LRBA: variants seen among roughly 807,000 people sequenced by gnomAD.
LRBA encodes lipopolysaccharide-responsive and beige-like anchor protein.
LRBA carries 176 observed loss-of-function variants against 330.0 expected under a neutral mutation model. The ratio of observed to expected loss-of-function variants is 0.53; its 90% CI spans 0.47 to 0.60. The LOEUF (loss-of-function observed/expected upper bound fraction) is 0.60. Among genes scored for constraint, LRBA ranks in the 20% least tolerant of loss-of-function variants. The probability of loss-of-function intolerance (pLI) is 0.00; values close to 1 mark genes in which losing one functional copy is unlikely to be tolerated. For missense variants in LRBA, 3,259 were observed against 3,444.8 expected (o/e 0.95, Z 1.35); for synonymous variants, 1,230 against 1,193.0 (o/e 1.03, Z -0.64).
At chr4:150,381,312 A>G (rs1396939823) in intron 47 of LRBA, among the ~76,000 whole-genome samples, 1 of 152,202 alleles carries the variant, frequency 6.6e-6, no homozygotes, top group Non-Finnish European at 1.5e-5. Flanking sequence ...GAGCCCTTTC[A>G]TCACACCAAA....
intron 11 of LRBA, among the ~76,000 whole-genome samples, chr4:150,907,588 T>C (rs1214932232): frequency 1.3e-5 from 2 of 152,122 alleles, no homozygotes; most frequent in East Asian, 1.9e-4. Context: ...TCAAGTTATG[T>C]ATAAAAGCAA....
intron 37 of LRBA, among the ~76,000 whole-genome samples, chr4:150,642,216 TA>T (rs1346394421): frequency 3.3e-5 from 5 of 152,106 alleles, no homozygotes; most frequent in African/African-American, 1.2e-4. Context: ...ATTCTGCATG[TA>T]TTTCAAAGTT....
chr4:150,630,812 C>T (rs549047965), intron 37 of LRBA, among the ~76,000 whole-genome samples: 2 of 152,162 alleles, frequency 1.3e-5, no homozygotes, highest in South Asian at 4.1e-4. Flanking sequence ...AGCATTTTAA[C>T]TCTAAGGTAA....
At position 150,619,916 on chromosome 4, in the gene LRBA, G is replaced by A. The variant is rs574273337; in HGVS notation, c.5922-20785C>T. 3.3e-5 allele frequency among the ~76,000 whole-genome samples: 5 copies of A among 152,198 alleles called. No homozygotes were observed. In the South Asian group the frequency reaches 1.0e-3, roughly 32 times the overall value. On this transcript the variant is annotated intron_variant, in intron 37 of 56. Transcript: ENST00000651943. ...TAGAAAATAGACTGGAGTTCTTACA[G>A]GAGCCTCAGTTTTACACAACATAGC... is the stretch of plus-strand genomic sequence containing the variant.
At chr4:150,490,799 T>C in intron 41 of LRBA, 119 bp downstream of exon 41, 1 of 506,494 alleles carries the variant, frequency 2.0e-6, no homozygotes, top group Admixed American at 3.0e-5. Context: ...AAGAGGTCAC[T>C]AGAACAGAAG....
chr4:150,963,952 G>A (rs1237955961), intron 2 of LRBA, among the ~76,000 whole-genome samples: 2 of 140,438 alleles, frequency 1.4e-5, no homozygotes, highest in Non-Finnish European at 3.0e-5. Context: ...GCCCTGCCGC[G>A]ACCCCGTCTG....
intron 44 of LRBA, among the ~76,000 whole-genome samples, chr4:150,462,282 A>G (rs889214453): frequency 6.6e-6 from 1 of 151,674 alleles, no homozygotes; most frequent in African/African-American, 2.4e-5. Flanking sequence ...ATTGATTCCT[A>G]TTTTTTTCAG....
At chr4:150,508,568 A>G (rs4696463) in intron 40 of LRBA, among the ~76,000 whole-genome samples, 118,430 of 151,810 alleles carry the variant, frequency 0.78, 48,807 homozygotes, top group Non-Finnish European at 0.92. Flanking sequence ...GATTATAGGC[A>G]GGAGCCACCA....
chr4:150,783,780 T>C (rs1016271123), intron 34 of LRBA, among the ~76,000 whole-genome samples: 1 of 152,212 alleles, frequency 6.6e-6, no homozygotes, highest in African/African-American at 2.4e-5. Flanking sequence ...TAGTGTGATA[T>C]GCTTAACACA....
At position 150,817,250 on chromosome 4, in the gene LRBA, T is replaced by C; in HGVS notation, c.5179A>G (p.Ile1727Val). 1.2e-6 allele frequency: 2 copies of C among 1,611,670 alleles called. No individual in the cohort carries two copies. The highest frequency in any genetic ancestry group is 8.5e-7 in the Non-Finnish European group (1 of 1,178,312). The change falls in exon 31 of 57, where the codon ATT becomes GTT. Residue 1727 changes from isoleucine (I) to valine (V), a missense_variant. Physicochemically the swap from Ile to Val is conservative, Grantham distance 29 (BLOSUM62 3). Transcript: ENST00000651943. ...ACTGCTGACTTTTTTGCTGCAACAA[T>C]GACACTTCTGTAATAAAGAAAGTAA... ...VQFRSFDRSV[I>V]VAAKKSAVSP... is the part of the protein sequence containing the mutation.
At position 150,317,653 on chromosome 4, in the gene LRBA, C is replaced by G. The variant is rs1731894039; in HGVS notation, c.7631-2030G>C. ...TTCCAGCAATACCAGTGTCAATCAACATTAATACCTTTAGAATTTCCCTCT... is the reference window on the plus strand; with the variant it reads ...TTCCAGCAATACCAGTGTCAATCAAGATTAATACCTTTAGAATTTCCCTCT... On this transcript the variant is annotated intron_variant, in intron 50 of 56. Coordinates refer to ENST00000651943, the MANE Select transcript of LRBA (RefSeq NM_001364905.1). Among the ~76,000 whole-genome samples the G allele has an allele frequency of 2.0e-5, 3 of 152,158 alleles. No homozygotes were observed. The South Asian group carries it at 6.2e-4, about 31-fold the overall frequency.
At chr4:150,587,421 C>G (rs1246713847) in intron 40 of LRBA, among the ~76,000 whole-genome samples, 2 of 152,040 alleles carry the variant, frequency 1.3e-5, no homozygotes, top group Non-Finnish European at 2.9e-5. Flanking sequence ...TGAAATAAAC[C>G]TAATTTTGGT....
At chr4:150,611,047 G>A (rs1201623285) in intron 37 of LRBA, among the ~76,000 whole-genome samples, 1 of 152,102 alleles carries the variant, frequency 6.6e-6, no homozygotes, top group Non-Finnish European at 1.5e-5. Flanking sequence ...TCTTCAAAAT[G>A]ATAGGATCAC....
chr4:150,792,727 G>A (rs937623681), intron 34 of LRBA, among the ~76,000 whole-genome samples: 15 of 151,980 alleles, frequency 9.9e-5, no homozygotes, highest in Admixed American at 6.5e-4. Flanking sequence ...GGCTGGTATC[G>A]AACTCCTGGC....
intron 40 of LRBA, among the ~76,000 whole-genome samples, chr4:150,566,086 A>C (rs1480856860): frequency 6.6e-6 from 1 of 151,102 alleles, no homozygotes; most frequent in Non-Finnish European, 1.5e-5. Context: ...AAATGTAGTC[A>C]GGCATGGTGG....
chr4:150,552,536 T>C (rs575845078), intron 40 of LRBA, among the ~76,000 whole-genome samples: 2 of 152,256 alleles, frequency 1.3e-5, no homozygotes, highest in South Asian at 4.1e-4. Flanking sequence ...GGAACACTTT[T>C]ACACTGTTGG....
chr4:150,734,965 T>C (rs1730996196), intron 36 of LRBA, among the ~76,000 whole-genome samples: 1 of 152,176 alleles, frequency 6.6e-6, no homozygotes, highest in African/African-American at 2.4e-5. Flanking sequence ...CCAGTTTTCT[T>C]TATAGGAAAA....
At position 150,867,858 on chromosome 4, in the gene LRBA, A is replaced by G. The variant is rs766343772; in HGVS notation, c.2579T>C (p.Leu860Ser). The change falls in exon 22 of 57, where the codon TTG becomes TCG. Residue 860 changes from leucine (L) to serine (S), a missense_variant. Physicochemically the swap from Leu to Ser is moderately radical, Grantham distance 145. Transcript: ENST00000651943. ...FNNSRENRRS[L>S]LQCSVWQEWM... Reference sequence around the variant, plus strand: ...TTCTTGCCACACAGAGCATTGTAGCAAGCTCCTGAAAATTATGAGAGGGTA... The same window carrying G: ...TTCTTGCCACACAGAGCATTGTAGCGAGCTCCTGAAAATTATGAGAGGGTA... The G allele has an allele frequency of 4.4e-6, 7 of 1,604,948 alleles. No individual in the cohort carries two copies. The highest frequency in any genetic ancestry group is 6.0e-6 in the Non-Finnish European group (7 of 1,176,388).
chr4:150,436,934 A>T lies in LRBA; in HGVS notation c.6781-70T>A, dbSNP rs1206493667. On this transcript the variant is annotated intron_variant, in intron 44 of 56. Coordinates refer to ENST00000651943, the MANE Select transcript of LRBA (RefSeq NM_001364905.1). ...ATCCTTCATGTCTTCCTCTCTTCTG[A>T]TGATATCCTACTGGTAAGTATAAAA... The T allele has an allele frequency of 4.4e-6, 6 of 1,353,126 alleles. No homozygotes were observed. In the Admixed American group the frequency reaches 1.1e-4, roughly 24 times the overall value. 83.8% of individuals were successfully genotyped at this position (1,353,126 alleles called of 1,614,324 possible). A position where few individuals can be genotyped will look rare whatever the true frequency, so the allele number is the denominator to read the frequency against.
Sources: allele counts gnomAD v4.1 joint callset (sites outside exome capture counted in the v4.1 genomes callset), GRCh38; gene constraint gnomAD v4.1.1; transcripts MANE v1.5; gene names NCBI Gene and HGNC (gene_info 2026-07-23, HGNC 2026-07-21).